The following DCC variants were observed in gnomAD, a reference collection of about 807,000 sequenced individuals.
DCC encodes DCC netrin 1 receptor, also known as netrin receptor DCC.
In DCC, 58 loss-of-function variants were observed where a neutral mutation model predicts 172.5. That is an observed-to-expected ratio of 0.34 (90% CI 0.27 to 0.42). The LOEUF (loss-of-function observed/expected upper bound fraction) is 0.42, where lower values mean the gene tolerates loss of function less well. DCC is among the 10% of genes least tolerant of loss of function. DCC has a pLI of 1.00. For missense variants in DCC, 1,740 were observed against 1,791.0 expected, an observed-to-expected ratio of 0.97 and a Z score of 0.51; for synonymous variants, 709 against 644.5, an observed-to-expected ratio of 1.10 and a Z score of -1.52.
At chr18:53,100,866 G>A (rs936368295) in intron 7 of DCC, among the ~76,000 whole-genome samples, 1 of 152,026 alleles carries the variant, frequency 6.6e-6, no homozygotes, top group East Asian at 1.9e-4. Flanking sequence ...TTAAGATAGA[G>A]AGAGGGCTAC....
At chr18:52,496,604 G>A (rs2030761502) in intron 1 of DCC, among the ~76,000 whole-genome samples, 1 of 152,110 alleles carries the variant, frequency 6.6e-6, no homozygotes, top group South Asian at 2.1e-4. Flanking sequence ...TCCTGGGGTA[G>A]TATTTGCACT....
chr18:52,353,048 C>T (rs933787096), intron 1 of DCC, among the ~76,000 whole-genome samples: 3 of 152,170 alleles, frequency 2.0e-5, no homozygotes, highest in South Asian at 2.1e-4. Flanking sequence ...TGGGAAACTG[C>T]CCCTACCACA....
intron 1 of DCC, among the ~76,000 whole-genome samples, chr18:52,723,342 TTTAC>T (rs1717885186): frequency 6.6e-6 from 1 of 152,198 alleles, no homozygotes; most frequent in Non-Finnish European, 1.5e-5. Context: ...ATTCAGACGC[TTTAC>T]TGGTGATCCT....
At chr18:52,789,060 G>A (rs543066722) in intron 2 of DCC, among the ~76,000 whole-genome samples, 4 of 152,132 alleles carry the variant, frequency 2.6e-5, no homozygotes, top group South Asian at 2.1e-4. Flanking sequence ...CTATCCTTCC[G>A]TAACTACGAT....
At chr18:53,166,504 A>G (rs964565384) in intron 8 of DCC, among the ~76,000 whole-genome samples, 3 of 152,166 alleles carry the variant, frequency 2.0e-5, no homozygotes, top group Admixed American at 1.3e-4. Flanking sequence ...AGTCACATTT[A>G]TCATGTGGAT....
At chr18:52,377,991 C>T (rs746298980) in intron 1 of DCC, among the ~76,000 whole-genome samples, 3 of 152,024 alleles carry the variant, frequency 2.0e-5, no homozygotes, top group South Asian at 2.1e-4. Flanking sequence ...TGAGCCTCTG[C>T]GCCTGGCCAA....
intron 1 of DCC, among the ~76,000 whole-genome samples, chr18:52,390,318 C>T (rs1985982397): frequency 1.3e-5 from 2 of 152,008 alleles, no homozygotes; most frequent in South Asian, 4.1e-4. Flanking sequence ...TGGGAGACAT[C>T]CACAACCTTC....
At chr18:53,110,465 T>C (rs956009314) in intron 7 of DCC, among the ~76,000 whole-genome samples, 3 of 151,700 alleles carry the variant, frequency 2.0e-5, no homozygotes, top group African/African-American at 7.3e-5. Context: ...AAAGAGGGCT[T>C]TTGCCACTTT....
chr18:53,149,109 C>A (rs2043961848), intron 7 of DCC, among the ~76,000 whole-genome samples: 1 of 152,060 alleles, frequency 6.6e-6, no homozygotes. Flanking sequence ...GATCCACCCG[C>A]CTCGGCCTCC....
chr18:53,410,326 G>T (rs947462886), intron 19 of DCC, 126 bp from the exon 20 acceptor site: 15 of 714,110 alleles, frequency 2.1e-5, no homozygotes, highest in African/African-American at 7.1e-5. Flanking sequence ...TTACAGAACT[G>T]CTGTAGTTTA....
At chr18:52,963,914 CATTTT>C (rs1356656640) in intron 5 of DCC, among the ~76,000 whole-genome samples, 2 of 150,958 alleles carry the variant, frequency 1.3e-5, no homozygotes. Context: ...GTTCACAAAA[CATTTT>C]ATTTAGTGCT....
At chr18:52,982,209 A>T (rs1197307900) in intron 5 of DCC, among the ~76,000 whole-genome samples, 1 of 152,104 alleles carries the variant, frequency 6.6e-6, no homozygotes, top group Non-Finnish European at 1.5e-5. Flanking sequence ...AAAAGTATGG[A>T]ACTTGAAAAC....
chr18:53,076,398 T>C (rs1010121839), intron 7 of DCC, among the ~76,000 whole-genome samples: 2 of 152,138 alleles, frequency 1.3e-5, no homozygotes, highest in Non-Finnish European at 2.9e-5. Flanking sequence ...GATCTAGACA[T>C]ATACTAGACC....
chr18:53,473,579 T>G (rs575600372), intron 25 of DCC, among the ~76,000 whole-genome samples: 4 of 152,268 alleles, frequency 2.6e-5, no homozygotes, highest in African/African-American at 9.6e-5. Context: ...ATGTTTAATA[T>G]TATTCACTTG....
chr18:52,512,708 G>A lies in DCC; in HGVS notation c.91+171830G>A, dbSNP rs1189275793. Among the ~76,000 whole-genome samples, 11 of 152,256 alleles carry A rather than the reference G, an allele frequency of 7.2e-5. No homozygotes were observed. The East Asian group carries it at 1.5e-3, about 21-fold the overall frequency. On this transcript the variant is annotated intron_variant, in intron 1 of 28. Transcript: ENST00000442544. ...TACATCTTAGTGAAGGATACAGATGGTGAACTAGTAAATATACAGTAGAAC... is the reference window on the plus strand; with the variant it reads ...TACATCTTAGTGAAGGATACAGATGATGAACTAGTAAATATACAGTAGAAC...
At chr18:52,633,949 G>A (rs1179457474) in intron 1 of DCC, among the ~76,000 whole-genome samples, 3 of 152,256 alleles carry the variant, frequency 2.0e-5, no homozygotes, top group Non-Finnish European at 2.9e-5. Context: ...GACAGACTGA[G>A]CTATGGAGGG....
intron 2 of DCC, among the ~76,000 whole-genome samples, chr18:52,773,592 T>A (rs2037379221): frequency 6.6e-6 from 1 of 152,144 alleles, no homozygotes; most frequent in South Asian, 2.1e-4. Flanking sequence ...AGTGGTGCGA[T>A]CTCGGCTCAC....
At chr18:52,466,325 A>C (rs1292828793) in intron 1 of DCC, among the ~76,000 whole-genome samples, 1 of 152,158 alleles carries the variant, frequency 6.6e-6, no homozygotes, top group East Asian at 1.9e-4. Flanking sequence ...TAACAGCAGT[A>C]TTTTTATGTT....
chr18:53,484,279 C>T (rs2045875850), intron 25 of DCC, among the ~76,000 whole-genome samples: 2 of 151,718 alleles, frequency 1.3e-5, no homozygotes, highest in Admixed American at 1.3e-4. Flanking sequence ...AGGAGGTTCA[C>T]AATAAAAAGC....
Sources: gnomAD v4.1 joint callset for allele counts (sites outside exome capture counted in the v4.1 genomes callset) on GRCh38, gnomAD v4.1.1 for gene constraint, MANE v1.5 for transcripts, NCBI Gene and HGNC (gene_info 2026-07-23, HGNC 2026-07-21) for gene names.